NRG3: variants seen among roughly 807,000 people sequenced by gnomAD.
The protein encoded by NRG3 is neuregulin 3, also known as pro-neuregulin-3, membrane-bound isoform.
In NRG3, 31 loss-of-function variants were observed where a neutral mutation model predicts 66.9. That is an observed-to-expected ratio of 0.46 (90% CI 0.35 to 0.63). The LOEUF (loss-of-function observed/expected upper bound fraction) is 0.63, where lower values mean the gene tolerates loss of function less well. NRG3 is among the 20% of genes least tolerant of loss of function. NRG3 has a pLI of 0.00. For missense variants in NRG3, 910 were observed against 878.9 expected (o/e 1.04, Z -0.45); for synonymous variants, 393 against 359.4 (o/e 1.09, Z -1.06).
At chr10:82,524,476 T>G (rs1043405599) in intron 2 of NRG3, among the ~76,000 whole-genome samples, 1 of 151,978 alleles carries the variant, frequency 6.6e-6, no homozygotes, top group Non-Finnish European at 1.5e-5. Flanking sequence ...ATTTGTAAAC[T>G]GGAATCATTC....
chr10:81,931,619 C>A (rs1294408906), intron 1 of NRG3, among the ~76,000 whole-genome samples: 1 of 152,146 alleles, frequency 6.6e-6, no homozygotes, highest in Non-Finnish European at 1.5e-5. Flanking sequence ...AGATTTATCA[C>A]CTGACGGTGC....
intron 4 of NRG3, among the ~76,000 whole-genome samples, chr10:82,939,842 G>A (rs571426258): frequency 6.6e-6 from 1 of 151,734 alleles, no homozygotes; most frequent in East Asian, 2.0e-4. Flanking sequence ...TAGGGTAAAT[G>A]TAACTTTCTA....
intron 1 of NRG3, among the ~76,000 whole-genome samples, chr10:81,992,377 T>C (rs904855536): frequency 6.6e-6 from 1 of 152,144 alleles, no homozygotes; most frequent in Non-Finnish European, 1.5e-5. Flanking sequence ...CTTGAGACTA[T>C]ATCTGCCCTT....
chr10:82,360,076 A>G (rs1317093), intron 2 of NRG3, among the ~76,000 whole-genome samples: 27,082 of 152,094 alleles, frequency 0.18, 2,794 homozygotes, highest in East Asian at 0.3. Flanking sequence ...CTCACCCCTG[A>G]CATGTGGTGT....
chr10:82,111,920 G>T (rs1265825489), intron 1 of NRG3, among the ~76,000 whole-genome samples: 1 of 152,090 alleles, frequency 6.6e-6, no homozygotes, highest in Admixed American at 6.6e-5. Flanking sequence ...CCAATAATAT[G>T]AGGTTGCTCA....
At chr10:81,976,392 A>G (rs539534580) in intron 1 of NRG3, among the ~76,000 whole-genome samples, 2 of 152,244 alleles carry the variant, frequency 1.3e-5, no homozygotes, top group African/African-American at 2.4e-5. Flanking sequence ...TCATTCATCT[A>G]ACATTTCTCG....
intron 1 of NRG3, among the ~76,000 whole-genome samples, chr10:82,115,066 A>G (rs1238071743): frequency 6.6e-6 from 1 of 152,122 alleles, no homozygotes; most frequent in Non-Finnish European, 1.5e-5. Context: ...AAAATGAGTC[A>G]AGACCTGATC....
At chr10:82,067,555 C>A (rs895986303) in intron 1 of NRG3, among the ~76,000 whole-genome samples, 1 of 152,152 alleles carries the variant, frequency 6.6e-6, no homozygotes, top group South Asian at 2.1e-4. Context: ...GCCATGTTGG[C>A]CAGGCTGGTC....
chr10:81,969,914 A>G (rs2059866365), intron 1 of NRG3, among the ~76,000 whole-genome samples: 1 of 152,038 alleles, frequency 6.6e-6, no homozygotes, highest in African/African-American at 2.4e-5. Flanking sequence ...CATTTGTCAC[A>G]AGATATTGCA....
intron 2 of NRG3, among the ~76,000 whole-genome samples, chr10:82,406,949 A>G (rs952142668): frequency 4.0e-5 from 6 of 151,870 alleles, no homozygotes; most frequent in African/African-American, 1.5e-4. Flanking sequence ...TCTTATCATC[A>G]TTACTATTCT....
At chr10:82,951,667 C>G in intron 5 of NRG3, 96 bp downstream of exon 5, 1 of 1,031,964 alleles carries the variant, frequency 9.7e-7, no homozygotes, top group Non-Finnish European at 1.5e-6. Context: ...CAGAGGGAAC[C>G]TGTGGAAATG....
At chr10:82,343,564 A>G (rs2082798016) in intron 1 of NRG3, among the ~76,000 whole-genome samples, 1 of 152,154 alleles carries the variant, frequency 6.6e-6, no homozygotes, top group Non-Finnish European at 1.5e-5. Flanking sequence ...TGTGGAACCA[A>G]AAAAGGGCTT....
chr10:82,575,702 C>A (rs1251933749), intron 2 of NRG3, among the ~76,000 whole-genome samples: 1 of 151,596 alleles, frequency 6.6e-6, no homozygotes, highest in Admixed American at 6.6e-5. Context: ...TCCTATGGGG[C>A]CAAAAATCAA....
chr10:82,025,120 T>C, intron 1 of NRG3, among the ~76,000 whole-genome samples: 2 of 152,098 alleles, frequency 1.3e-5, no homozygotes, highest in South Asian at 4.1e-4. Context: ...TCATTTCAAA[T>C]AATTAAGAAG....
chr10:82,201,259 G>C (rs1020019853), intron 1 of NRG3, among the ~76,000 whole-genome samples: 1 of 150,934 alleles, frequency 6.6e-6, no homozygotes, highest in Non-Finnish European at 1.5e-5. Flanking sequence ...AGCCAGAGGG[G>C]CCTCTAGAAA....
At chr10:81,880,440 C>T (rs1367244298) in intron 1 of NRG3, among the ~76,000 whole-genome samples, 3 of 152,080 alleles carry the variant, frequency 2.0e-5, no homozygotes. Context: ...GGCAATTTCT[C>T]GCTGTTACTG....
intron 1 of NRG3, among the ~76,000 whole-genome samples, chr10:82,213,024 C>T (rs1334538553): frequency 2.6e-5 from 4 of 152,030 alleles, no homozygotes; most frequent in Non-Finnish European, 5.9e-5. Context: ...TTCCCAGGAA[C>T]AAGAAAGTTT....
chr10:82,928,418 C>G (rs969200349), intron 4 of NRG3, among the ~76,000 whole-genome samples: 1 of 152,108 alleles, frequency 6.6e-6, no homozygotes, highest in African/African-American at 2.4e-5. Context: ...TTGCCCATGC[C>G]TATGTCCTGG....
intron 2 of NRG3, among the ~76,000 whole-genome samples, chr10:82,465,302 C>T (rs182898073): frequency 6.6e-6 from 1 of 152,266 alleles, no homozygotes; most frequent in Admixed American, 6.5e-5. Flanking sequence ...TGGGTTGTCT[C>T]AAGTCAGTCA....
Sources: gnomAD v4.1 joint callset for allele counts (sites outside exome capture counted in the v4.1 genomes callset) on GRCh38, gnomAD v4.1.1 for gene constraint, MANE v1.5 for transcripts, NCBI Gene and HGNC (gene_info 2026-07-23, HGNC 2026-07-21) for gene names.